FERMT3: variants seen among roughly 807,000 people sequenced by gnomAD.
FERMT3 encodes fermitin family homolog 3.
Under a neutral mutation model 80.8 loss-of-function variants are expected in FERMT3, and 33 were observed. The ratio of observed to expected loss-of-function variants is 0.41; its 90% confidence interval spans 0.31 to 0.55. The LOEUF (loss-of-function observed/expected upper bound fraction) is 0.55, where lower values mean the gene tolerates loss of function less well. FERMT3 is among the 20% of genes least tolerant of loss of function. The probability of loss-of-function intolerance (pLI) is 0.31; values close to 1 mark genes in which losing one functional copy is unlikely to be tolerated. For missense variants in FERMT3, 754 were observed against 908.7 expected (o/e 0.83, Z 2.19); for synonymous variants, 375 against 372.2 (o/e 1.01, Z -0.09).
At position 64,223,404 on chromosome 11, in the gene FERMT3, T is replaced by C; in HGVS notation, c.1904T>C (p.Ile635Thr). The C allele has an allele frequency of 1.2e-6, 2 of 1,613,798 alleles. No homozygotes were observed. Among genetic ancestry groups the C allele is most frequent in the Non-Finnish European group, 1.7e-6 (2 of 1,180,016 alleles). Reference sequence around the variant, plus strand: ...GTACACGAGTATATCGGGGGCTACATTTTCCTGTCGACGCGGGAGCGGGCC... The same window carrying C: ...GTACACGAGTATATCGGGGGCTACACTTTCCTGTCGACGCGGGAGCGGGCC... ...RIVHEYIGGY[I>T]FLSTRERARG... The change falls in exon 15 of 15, where the codon ATT becomes ACT. Residue 635 changes from isoleucine (I) to threonine (T), a missense_variant. Coordinates refer to ENST00000345728, the MANE Select transcript of FERMT3 (RefSeq NM_031471.6).
rs371158164 is a variant in FERMT3, at chr11:64,209,539, G to C, written c.161-1072G>C. On this transcript the variant is annotated intron_variant, in intron 2 of 14. Transcript: ENST00000345728. Reference sequence around the variant, plus strand: ...GGAGAGGGACCGGAGAGGGGCCAGAGAGGACAGGAGAAGAGCAAGGAGCCA... The same window carrying C: ...GGAGAGGGACCGGAGAGGGGCCAGACAGGACAGGAGAAGAGCAAGGAGCCA... Among the ~76,000 whole-genome samples, 259 of 152,350 alleles carry C rather than the reference G, an allele frequency of 1.7e-3. 2 individuals are homozygous for C. The South Asian group carries it at 0.025, about 14-fold the overall frequency.
At chr11:64,208,261 G>A (rs1014086597) in intron 2 of FERMT3, among the ~76,000 whole-genome samples, 7 of 152,208 alleles carry the variant, frequency 4.6e-5, no homozygotes, top group African/African-American at 1.7e-4. Flanking sequence ...GAACGGCCCG[G>A]CCACAAGACT....
Position 64,207,376 on chromosome 11 carries a change from G to A in FERMT3, c.12G>A (p.Met4Ile). The change falls in exon 2 of 15, where the codon ATG becomes ATA. Residue 4 changes from methionine (M) to isoleucine (I), a missense_variant. Coordinates refer to ENST00000345728, the MANE Select transcript of FERMT3 (RefSeq NM_031471.6). ...CAGCAGCCGCAGCCATGGCGGGGATGAAGACAGCCTCCGGGGACTACATCG... is the reference window on the plus strand; with the variant it reads ...CAGCAGCCGCAGCCATGGCGGGGATAAAGACAGCCTCCGGGGACTACATCG... MAGMKTASGDYIDS... is the reference protein window; with the variant it reads MAGIKTASGDYIDS... The A allele has an allele frequency of 6.2e-7, 1 of 1,614,180 alleles. No homozygotes were observed. The highest frequency in any genetic ancestry group is 8.5e-7 in the Non-Finnish European group (1 of 1,180,030).
Position 64,223,029 on chromosome 11 carries a change from C to G in FERMT3, c.1671-19C>G, listed in dbSNP as rs1203473163. 2 of 1,612,996 alleles carry G rather than the reference C, an allele frequency of 1.2e-6. No homozygotes were observed. The highest frequency in any genetic ancestry group is 1.7e-6 in the Non-Finnish European group (2 of 1,179,894). ...ATGCAGGGTGGAGCCCTGGCTCACT[C>G]TCTCTCCCTGGGGGCCAGGTTCAAG... is the stretch of plus-strand genomic sequence containing the variant. On this transcript the variant is annotated intron_variant, in intron 13 of 14. Coordinates refer to ENST00000345728, the MANE Select transcript of FERMT3 (RefSeq NM_031471.6).
At chr11:64,207,232 C>A in intron 1 of FERMT3, 119 bp from the exon 2 acceptor site, 1 of 1,216,180 alleles carries the variant, frequency 8.2e-7, no homozygotes, top group Non-Finnish European at 1.2e-6. Context: ...TGCTCACTCC[C>A]GCCCTCCTTC....
chr11:64,215,576 TC>T (rs1946532450), intron 6 of FERMT3, among the ~76,000 whole-genome samples: 1 of 152,190 alleles, frequency 6.6e-6, no homozygotes, highest in South Asian at 2.1e-4. Context: ...TTTTTATCTT[TC>T]TTTTTTTATT....
rs780712218 is a variant in FERMT3, at chr11:64,223,091, A to G, written c.1714A>G (p.Asn572Asp). 1.2e-6 allele frequency: 2 copies of G among 1,613,896 alleles called. No homozygotes were observed. The highest frequency in any genetic ancestry group is 1.7e-6 in the Non-Finnish European group (2 of 1,180,042). Residue 572 changes from asparagine to aspartate, a missense_variant, in exon 14 of 15, where the codon AAC (asparagine) becomes GAC (aspartate). Asn to Asp is a conservative substitution (Grantham distance 23). Transcript: ENST00000345728. ...AGACGAGATCCTGGGCATCGCCAAC[A>G]ACCGACTGATCCGCATCGACTTGGC... ...RKDEILGIAN[N>D]RLIRIDLAVG...
rs183306623 is a variant in FERMT3 at position 64,222,284 on chromosome 11, A to T, written c.1671-764A>T. Among the ~76,000 whole-genome samples, 920 of 137,278 alleles carry T rather than the reference A, an allele frequency of 6.7e-3. 3 individuals are homozygous for T. The highest frequency in any genetic ancestry group is 0.022 in the South Asian group (85 of 3,862). 90.1% of individuals were successfully genotyped at this position (137,278 alleles called of 152,430 possible). A position where few individuals can be genotyped will look rare whatever the true frequency, so the allele number is the denominator to read the frequency against. ...ATAAATAAATAAATAAATAAATAAAAGAGCCTGCGCGATGGCTCATGCCTG... is the reference window on the plus strand; with the variant it reads ...ATAAATAAATAAATAAATAAATAAATGAGCCTGCGCGATGGCTCATGCCTG... On this transcript the variant is annotated intron_variant, in intron 13 of 14. Coordinates refer to ENST00000345728, the MANE Select transcript of FERMT3 (RefSeq NM_031471.6).
At position 64,219,721 on chromosome 11, in the gene FERMT3, G is replaced by C; in HGVS notation, c.1030-19G>C. ...ACTGTGAGGTACCGGGTGCCCCTCT[G>C]ACTCTGGTCCTCCCATAGGACAGCC... On this transcript the variant is annotated intron_variant, in intron 8 of 14. Transcript: ENST00000345728. This position sits in a 1 kb window ranked among gnomAD's most constrained non-coding sequence, Gnocchi z 4.0. 1 of 1,613,740 alleles carries C rather than the reference G, an allele frequency of 6.2e-7. No individual in the cohort carries two copies. The highest frequency in any genetic ancestry group is 8.5e-7 in the Non-Finnish European group (1 of 1,179,936).
intron 13 of FERMT3, 56 bp from the exon 14 acceptor site, chr11:64,222,992 C>T (rs945664460): frequency 7.5e-6 from 12 of 1,607,152 alleles, no homozygotes; most frequent in African/African-American, 5.3e-5. Flanking sequence ...ATTGTCTGGG[C>T]GGGCTCTGGC....
Position 64,207,375 on chromosome 11 carries a change from T to A in FERMT3, c.11T>A (p.Met4Lys). The A allele has an allele frequency of 6.2e-7, 1 of 1,614,114 alleles. No individual in the cohort carries two copies. ...GCAGCAGCCGCAGCCATGGCGGGGA[T>A]GAAGACAGCCTCCGGGGACTACATC... MAG[M>K]KTASGDYIDS... is the part of the protein sequence containing the mutation. The change falls in exon 2 of 15, where the codon ATG becomes AAG. Residue 4 changes from methionine (M) to lysine (K), a missense_variant. By Grantham distance (95) the Met-to-Lys change is moderately conservative (BLOSUM62 -1). Coordinates refer to ENST00000345728, the MANE Select transcript of FERMT3 (RefSeq NM_031471.6).
At position 64,223,805 on chromosome 11, in the gene FERMT3, A is replaced by G. The variant is rs1445633072; in HGVS notation, c.*313A>G. On this transcript the variant is annotated 3_prime_UTR_variant, in exon 15 of 15. Coordinates refer to ENST00000345728, the MANE Select transcript of FERMT3 (RefSeq NM_031471.6). ...AAGGAAGACCAGATGTAGCTACAGG[A>G]TGATGAAACATGGTTTCAAACGAGT... 4 of 1,101,856 alleles carry G rather than the reference A, an allele frequency of 3.6e-6. No individual in the cohort carries two copies. Among genetic ancestry groups the G allele is most frequent in the Non-Finnish European group, 5.3e-6 (4 of 761,396 alleles). The allele number at this position is 1,101,856 out of a possible 1,614,324, so 68.3% of individuals were successfully genotyped here.
In FERMT3 at chr11:64,219,679, G is replaced by A. The variant is rs748289046; in HGVS notation, c.1029+21G>A. ...TGCTGGTGAGGAGGGGCTCAGGGCA[G>A]GGGCTGGGCAGGGAGAACTGTGAGG... On this transcript the variant is annotated intron_variant, in intron 8 of 14. Coordinates refer to ENST00000345728, the MANE Select transcript of FERMT3 (RefSeq NM_031471.6). The surrounding 1 kb of genome is among the most constrained non-coding windows in gnomAD (Gnocchi z 4.0). 35 of 1,613,826 alleles carry A rather than the reference G, an allele frequency of 2.2e-5. No individual in the cohort carries two copies. Among genetic ancestry groups the A allele is most frequent in the African/African-American group, 2.7e-5 (2 of 74,920 alleles).
chr11:64,214,661 T>C (rs994273961), intron 6 of FERMT3, among the ~76,000 whole-genome samples: 1 of 151,826 alleles, frequency 6.6e-6, no homozygotes, highest in Non-Finnish European at 1.5e-5. Context: ...CTTTTCTTTC[T>C]TATTTTTCGG....
At chr11:64,223,256 G>C in intron 14 of FERMT3, 57 bp from the exon 15 acceptor site, 1 of 1,612,996 alleles carries the variant, frequency 6.2e-7, no homozygotes, top group Non-Finnish European at 8.5e-7. Context: ...CAGCCAGGGT[G>C]GGGCAGGGGC....
rs1405417902 is a variant in FERMT3 at position 64,220,122 on chromosome 11, C to G, written c.1205-98C>G. On this transcript the variant is annotated intron_variant, in intron 10 of 14. Transcript: ENST00000345728. Reference sequence around the variant, plus strand: ...CCTCCTGGAGACCGGGGAAGATGCCCTCTGTCCTGAGGTGACGGTGTGGGC... The same window carrying G: ...CCTCCTGGAGACCGGGGAAGATGCCGTCTGTCCTGAGGTGACGGTGTGGGC... 8.2e-6 allele frequency: 13 copies of G among 1,577,346 alleles called. No individual in the cohort carries two copies. The Admixed American group carries it at 2.2e-4, about 26-fold the overall frequency.
intron 11 of FERMT3, 37 bp downstream of exon 11, chr11:64,220,363 G>A (rs1946652243): frequency 1.9e-6 from 3 of 1,610,344 alleles, no homozygotes; most frequent in East Asian, 4.5e-5. Flanking sequence ...GGCCGGGCAG[G>A]AGCTGGGGCA....
chr11:64,218,923 T>A (rs1032087927), intron 6 of FERMT3, among the ~76,000 whole-genome samples: 1 of 152,364 alleles, frequency 6.6e-6, no homozygotes, highest in African/African-American at 2.4e-5. Context: ...GGAAACTGTT[T>A]CCTTGATAGT....
At position 64,219,559 on chromosome 11, in the gene FERMT3, G is replaced by C. The variant is rs199508330; in HGVS notation, c.930G>C (p.Val310=). Residue 310 remains valine, a synonymous_variant, in exon 8 of 15, where the codon GTG becomes GTC. Coordinates refer to ENST00000345728, the MANE Select transcript of FERMT3 (RefSeq NM_031471.6). The surrounding 1 kb of genome is among the most constrained non-coding windows in gnomAD (Gnocchi z 4.0). ...HINKLSQSGE[V]GEPAGTDPGL... ...ACAAGCTGTCCCAGAGCGGGGAGGT[G>C]GGGGAGCCGGCTGGCACAGACCCAG... The C allele has an allele frequency of 1.6e-3, 2,609 of 1,611,558 alleles. 40 individuals are homozygous for C. The South Asian group carries it at 0.024, about 15-fold the overall frequency.
Sources: allele counts gnomAD v4.1 joint callset (sites outside exome capture counted in the v4.1 genomes callset), GRCh38; gene constraint gnomAD v4.1.1; non-coding constraint Gnocchi (gnomAD v3.1); transcripts MANE v1.5; gene names NCBI Gene and HGNC (gene_info 2026-07-23, HGNC 2026-07-21).